The following PCA3 variants were observed in gnomAD, a reference collection of about 807,000 sequenced individuals.
PCA3 encodes prostate cancer associated 3.
chr9:76,767,321 C>G (rs2052518671), intron 2 of PCA3, among the ~76,000 whole-genome samples: 1 of 152,068 alleles, frequency 6.6e-6, no homozygotes, highest in African/African-American at 2.4e-5. Flanking sequence ...CATGGTGGCA[C>G]ACGCCTGTAA....
intron 2 of PCA3, among the ~76,000 whole-genome samples, chr9:76,765,308 T>C (rs1270342698): frequency 1.3e-5 from 2 of 152,026 alleles, no homozygotes; most frequent in African/African-American, 2.4e-5. Flanking sequence ...CAAGATGAAA[T>C]AGACATCAAG....
At chr9:76,786,246 A>G (rs2054965381) in intron 2 of PCA3, 1 of 152,220 alleles carries the variant, frequency 6.6e-6, no homozygotes, top group African/African-American at 2.4e-5. Flanking sequence ...ATAGTCCAAT[A>G]AATAATGTTA....
chr9:76,774,459 T>TA (rs759627070), intron 2 of PCA3, among the ~76,000 whole-genome samples: 43,636 of 138,868 alleles, frequency 0.31, 8,916 homozygotes, highest in African/African-American at 0.49. Flanking sequence ...CCTTTTTTTT[T>TA]TTTTTTTTTT....
intron 2 of PCA3, among the ~76,000 whole-genome samples, chr9:76,773,290 T>C (rs952969085): frequency 2.9e-4 from 44 of 152,228 alleles, no homozygotes; most frequent in South Asian, 6.2e-4. Flanking sequence ...ATTGAAGAAA[T>C]AGAAATTTCT....
At chr9:76,774,462 T>TATTTATTTATTTATTTATTTA (rs1554761662) in intron 2 of PCA3, among the ~76,000 whole-genome samples, 25 of 104,252 alleles carry the variant, frequency 2.4e-4, no homozygotes, top group African/African-American at 8.3e-4. Context: ...TTTTTTTTTT[T>TATTTATTTATTTATTTATTTA]TTTTTTTTTT....
chr9:76,777,032 T>G (rs1037631450), intron 2 of PCA3, among the ~76,000 whole-genome samples: 1 of 151,906 alleles, frequency 6.6e-6, no homozygotes, highest in East Asian at 1.9e-4. Flanking sequence ...CATCTGCCAC[T>G]GCACCAATGC....
At chr9:76,767,148 A>T (rs1233617326) in intron 2 of PCA3, among the ~76,000 whole-genome samples, 2 of 152,094 alleles carry the variant, frequency 1.3e-5, no homozygotes, top group African/African-American at 4.8e-5. Context: ...GTCACCAAGG[A>T]CCTATTCAAA....
intron 2 of PCA3, chr9:76,785,739 G>GTA (rs1564300613): frequency 6.6e-6 from 1 of 151,974 alleles, no homozygotes; most frequent in Non-Finnish European, 1.5e-5. Flanking sequence ...AGCTCTGTGT[G>GTA]TGTGTGTGTG....
chr9:76,782,284 C>T (rs995571476), intron 2 of PCA3, among the ~76,000 whole-genome samples: 1 of 152,158 alleles, frequency 6.6e-6, no homozygotes, highest in Non-Finnish European at 1.5e-5. Flanking sequence ...AGAAGTGACA[C>T]AACTCTCAGA....
At chr9:76,786,615 T>C (rs1046607078) in intron 2 of PCA3, 4 of 152,266 alleles carry the variant, frequency 2.6e-5, no homozygotes, top group African/African-American at 9.6e-5. Flanking sequence ...CTCTGTTGCT[T>C]TGGACTTCCC....
intron 2 of PCA3, among the ~76,000 whole-genome samples, chr9:76,769,306 T>C (rs1021664589): frequency 6.6e-6 from 1 of 152,242 alleles, no homozygotes; most frequent in African/African-American, 2.4e-5. Flanking sequence ...TCAGGGTCAA[T>C]ACATACAGAA....
chr9:76,783,284 G>A (rs1183244001), intron 2 of PCA3, among the ~76,000 whole-genome samples: 1 of 152,142 alleles, frequency 6.6e-6, no homozygotes, highest in African/African-American at 2.4e-5. Flanking sequence ...TTACAGGCAT[G>A]CACCAGCACG....
At chr9:76,779,231 A>G (rs1277810773) in intron 2 of PCA3, among the ~76,000 whole-genome samples, 1 of 132,550 alleles carries the variant, frequency 7.5e-6, no homozygotes, top group Admixed American at 7.1e-5. Context: ...AAAAACTTAG[A>G]CTTTTTTTTT....
chr9:76,780,009 A>G (rs1311807988), intron 2 of PCA3: 1 of 152,222 alleles, frequency 6.6e-6, no homozygotes, highest in Non-Finnish European at 1.5e-5. Flanking sequence ...AGTAAAATCC[A>G]TCGTCAGACA....
Position 76,769,672 on chromosome 9 carries a change from G to A in PCA3, n.852+33057G>A, listed in dbSNP as rs139870753. Among the ~76,000 whole-genome samples, 597 of 152,278 alleles carry A rather than the reference G, an allele frequency of 3.9e-3. 8 individuals carry two copies. The highest frequency in any genetic ancestry group is 0.014 in the African/African-American group (586 of 41,548). On this transcript the variant is annotated intron_variant and non_coding_transcript_variant, in intron 2 of 5. Transcript: ENST00000644657. ...ACTCCCGACATCAGGTGATCCGCCC[G>A]CCTCAGGCTCCCAAAGTGCTGAGAT... is the stretch of plus-strand genomic sequence containing the variant.
chr9:76,767,995 G>A (rs1048248395), intron 2 of PCA3, among the ~76,000 whole-genome samples: 3 of 152,054 alleles, frequency 2.0e-5, no homozygotes, highest in Non-Finnish European at 2.9e-5. Flanking sequence ...TTCTTTCTTC[G>A]ATGATTTGGA....
intron 2 of PCA3, among the ~76,000 whole-genome samples, chr9:76,767,684 T>A (rs1376448719): frequency 6.6e-6 from 1 of 152,206 alleles, no homozygotes; most frequent in African/African-American, 2.4e-5. Flanking sequence ...CCTCATCTCT[T>A]GACCCTATTT....
intron 2 of PCA3, chr9:76,779,530 G>A (rs1294459796): frequency 6.6e-6 from 1 of 152,212 alleles, no homozygotes; most frequent in African/African-American, 2.4e-5. Context: ...TTAAGAGAAA[G>A]TTTTAGAATC....
intron 2 of PCA3, among the ~76,000 whole-genome samples, chr9:76,781,942 C>T (rs368537914): frequency 2.6e-5 from 4 of 151,944 alleles, no homozygotes; most frequent in Admixed American, 2.0e-4. Context: ...TGGCCGGGCG[C>T]GGTGGCTCAC....
Sources: allele counts gnomAD v4.1 joint callset (sites outside exome capture counted in the v4.1 genomes callset), GRCh38; gene constraint gnomAD v4.1.1; transcripts MANE v1.5; gene names NCBI Gene and HGNC (gene_info 2026-07-23, HGNC 2026-07-21).